The following CFAP299 variants were observed in gnomAD, a reference collection of about 807,000 sequenced individuals.
CFAP299 encodes the protein cilia- and flagella-associated protein 299.
Under a neutral mutation model 27.0 loss-of-function variants are expected in CFAP299, and 21 were observed. That is an observed-to-expected ratio of 0.78 (90% CI 0.55 to 1.12). The LOEUF (loss-of-function observed/expected upper bound fraction) is 1.12. Among genes scored for constraint, CFAP299 ranks in the 50% most tolerant of loss-of-function variants. The probability of loss-of-function intolerance (pLI) is 0.00; values close to 1 mark genes in which losing one functional copy is unlikely to be tolerated. For synonymous variants in CFAP299, 104 were observed against 98.1 expected (o/e 1.06, Z -0.36); for missense variants, 310 against 276.6 (o/e 1.12, Z -0.86).
chr4:80,912,345 T>C (rs1180397675), intron 4 of CFAP299, among the ~76,000 whole-genome samples: 3 of 152,144 alleles, frequency 2.0e-5, no homozygotes, highest in African/African-American at 4.8e-5. Context: ...AGCAGGAGAA[T>C]AGACAAGGAG....
rs986550257 is a variant in CFAP299, at chr4:80,870,171, G to A, written c.476+36G>A. 1.9e-6 allele frequency: 3 copies of A among 1,564,496 alleles called. No individual in the cohort carries two copies. In the African/African-American group the frequency reaches 4.1e-5, roughly 22 times the overall value. On this transcript the variant is annotated intron_variant, in intron 4 of 5. Coordinates refer to ENST00000358105, the MANE Select transcript of CFAP299 (RefSeq NM_152770.3). The stretch of plus-strand genomic sequence containing the variant: ...TACAATTTTTGCACCCTTAGAGGCA[G>A]GGACAAAGACTTTTTATTTTATGGT...
intron 3 of CFAP299, among the ~76,000 whole-genome samples, chr4:80,775,564 T>G (rs1353393443): frequency 2.0e-5 from 3 of 151,992 alleles, no homozygotes; most frequent in African/African-American, 7.2e-5. Flanking sequence ...CTCTTCAGGT[T>G]TCATCAAAGT....
chr4:80,408,844 T>C (rs944468472), intron 2 of CFAP299, among the ~76,000 whole-genome samples: 8 of 151,854 alleles, frequency 5.3e-5, no homozygotes, highest in Middle Eastern at 3.4e-3. Context: ...TGGTTTTTTT[T>C]CCCAAATCAT....
intron 1 of CFAP299, among the ~76,000 whole-genome samples, chr4:80,336,243 T>C (rs1039935799): frequency 2.0e-5 from 3 of 152,204 alleles, no homozygotes; most frequent in Non-Finnish European, 4.4e-5. Flanking sequence ...CCGGCTGTGA[T>C]CTAGGACAGA....
At chr4:80,877,623 C>A (rs544293041) in intron 4 of CFAP299, among the ~76,000 whole-genome samples, 1 of 129,970 alleles carries the variant, frequency 7.7e-6, no homozygotes, top group South Asian at 2.5e-4. Flanking sequence ...GTGGTTAAGA[C>A]AGGATTACTC....
chr4:80,444,340 A>G (rs1728510707), intron 2 of CFAP299, among the ~76,000 whole-genome samples: 1 of 152,204 alleles, frequency 6.6e-6, no homozygotes, highest in Non-Finnish European at 1.5e-5. Context: ...TATATAGGCC[A>G]ATGGAACAGA....
At chr4:80,338,274 A>G (rs1220719948) in intron 1 of CFAP299, among the ~76,000 whole-genome samples, 3 of 152,236 alleles carry the variant, frequency 2.0e-5, no homozygotes, top group African/African-American at 7.2e-5. Context: ...ATTACCTCAC[A>G]TAATTATCAT....
At chr4:80,827,887 G>C (rs1018214181) in intron 3 of CFAP299, among the ~76,000 whole-genome samples, 4 of 151,892 alleles carry the variant, frequency 2.6e-5, no homozygotes, top group Non-Finnish European at 4.4e-5. Flanking sequence ...AATATCCGTT[G>C]CATTTCTGTA....
At chr4:80,949,481 G>T (rs1364529130) in intron 5 of CFAP299, among the ~76,000 whole-genome samples, 1 of 150,546 alleles carries the variant, frequency 6.6e-6, no homozygotes, top group Admixed American at 6.6e-5. Flanking sequence ...CTTAAAGGAT[G>T]ATTAGAAATT....
intron 4 of CFAP299, among the ~76,000 whole-genome samples, chr4:80,885,168 A>C (rs940074308): frequency 2.0e-5 from 3 of 152,170 alleles, no homozygotes; most frequent in African/African-American, 7.2e-5. Context: ...GAGTATTTGG[A>C]CCAGCCCTAG....
intron 2 of CFAP299, among the ~76,000 whole-genome samples, chr4:80,441,492 GACAA>G (rs1168535670): frequency 6.6e-6 from 1 of 152,168 alleles, no homozygotes; most frequent in Admixed American, 6.5e-5. Context: ...ATCCTTTACA[GACAA>G]ACAAATGCTG....
chr4:80,388,804 G>T, intron 2 of CFAP299: 2 of 413,932 alleles, frequency 4.8e-6, no homozygotes, highest in Admixed American at 4.0e-5. Flanking sequence ...TGCAAACAAT[G>T]ATGTTTCTAT....
In CFAP299 at chr4:80,538,648, C is replaced by G. The variant is rs1455482229; in HGVS notation, c.243-44445C>G. Among the ~76,000 whole-genome samples the G allele has an allele frequency of 5.3e-5, 8 of 152,162 alleles. No individual in the cohort carries two copies. In the East Asian group the frequency reaches 1.5e-3, roughly 29 times the overall value. On this transcript the variant is annotated intron_variant, in intron 2 of 5. Transcript: ENST00000358105. ...GATACTTACCTTTGTGTTAAAATTG[C>G]CTCCAGTATTTCAGTACAGTAACAT...
chr4:80,878,232 T>A (rs1733518398), intron 4 of CFAP299, among the ~76,000 whole-genome samples: 1 of 152,128 alleles, frequency 6.6e-6, no homozygotes, highest in African/African-American at 2.4e-5. Context: ...TTCTTTGTGA[T>A]GACATTGACG....
At chr4:80,452,534 C>G (rs915409258) in intron 2 of CFAP299, among the ~76,000 whole-genome samples, 2 of 152,026 alleles carry the variant, frequency 1.3e-5, no homozygotes, top group African/African-American at 4.8e-5. Flanking sequence ...TGGGTAAAGA[C>G]TTACAAAATA....
intron 4 of CFAP299, among the ~76,000 whole-genome samples, chr4:80,906,088 T>A (rs943344386): frequency 6.6e-6 from 1 of 152,320 alleles, no homozygotes; most frequent in Admixed American, 6.5e-5. Flanking sequence ...AGTTAGTTAC[T>A]TCCTAGATAC....
chr4:80,517,291 A>G (rs2110170361), intron 2 of CFAP299, among the ~76,000 whole-genome samples: 1 of 152,290 alleles, frequency 6.6e-6, no homozygotes, highest in Admixed American at 6.5e-5. Flanking sequence ...GTTGTTTTAG[A>G]TCAGAAAGAA....
At chr4:80,350,895 C>T (rs1020413968) in intron 1 of CFAP299, among the ~76,000 whole-genome samples, 2 of 151,980 alleles carry the variant, frequency 1.3e-5, no homozygotes, top group Admixed American at 1.3e-4. Flanking sequence ...CACATGTATA[C>T]CTATGTAACA....
intron 4 of CFAP299, chr4:80,872,380 A>G (rs1733143706): frequency 6.6e-6 from 1 of 152,134 alleles, no homozygotes; most frequent in South Asian, 2.1e-4. Flanking sequence ...CTATAATTAT[A>G]TTATTTATCC....
Sources: gnomAD v4.1 joint callset for allele counts (sites outside exome capture counted in the v4.1 genomes callset) on GRCh38, gnomAD v4.1.1 for gene constraint, MANE v1.5 for transcripts, NCBI Gene and HGNC (gene_info 2026-07-23, HGNC 2026-07-21) for gene names.